The following KIRREL3 variants were observed in gnomAD, a reference collection of about 807,000 sequenced individuals.
The protein encoded by KIRREL3 is kirre like nephrin family adhesion molecule 3.
Under a neutral mutation model 89.7 loss-of-function variants are expected in KIRREL3, and 36 were observed. The ratio of observed to expected loss-of-function variants is 0.40; its 90% CI spans 0.31 to 0.53. KIRREL3 has a LOEUF of 0.53. KIRREL3 is among the 20% of genes least tolerant of loss of function. KIRREL3 has a pLI of 0.49. For synonymous variants in KIRREL3, 445 were observed against 441.4 expected, an observed-to-expected ratio of 1.01 and a Z score of -0.10; for missense variants, 864 against 1,056.6, an observed-to-expected ratio of 0.82 and a Z score of 2.53.
intron 1 of KIRREL3, among the ~76,000 whole-genome samples, chr11:126,672,870 G>T (rs776778589): frequency 6.6e-6 from 1 of 152,158 alleles, no homozygotes; most frequent in African/African-American, 2.4e-5. Flanking sequence ...TCCCTCACTC[G>T]TATTTGCATT....
chr11:126,777,499 G>A lies in KIRREL3; in HGVS notation c.56-214587C>T, dbSNP rs184728988. Reference sequence around the variant, plus strand: ...CTCAAAAAAAACCCCAAAGCATTCCGGGGTTAGTTAAAAGGCCAGAGCAGA... The same window carrying A: ...CTCAAAAAAAACCCCAAAGCATTCCAGGGTTAGTTAAAAGGCCAGAGCAGA... On this transcript the variant is annotated intron_variant, in intron 1 of 16. Transcript: ENST00000525144. Among the ~76,000 whole-genome samples the A allele has an allele frequency of 8.5e-5, 13 of 152,264 alleles. No individual in the cohort carries two copies. The East Asian group carries it at 2.1e-3, about 25-fold the overall frequency.
chr11:126,452,279 CTCT>C (rs1956204801), intron 7 of KIRREL3, among the ~76,000 whole-genome samples: 1 of 152,258 alleles, frequency 6.6e-6, no homozygotes, highest in Non-Finnish European at 1.5e-5. Flanking sequence ...TCGTTTCAAT[CTCT>C]TAACTTTGAT....
intron 1 of KIRREL3, among the ~76,000 whole-genome samples, chr11:126,756,686 G>A (rs1222680085): frequency 1.3e-5 from 2 of 152,354 alleles, no homozygotes; most frequent in East Asian, 3.9e-4. Context: ...AGGGAGACAG[G>A]GGAGAAGTAA....
At chr11:126,598,798 G>T (rs763389926) in intron 1 of KIRREL3, among the ~76,000 whole-genome samples, 1 of 152,098 alleles carries the variant, frequency 6.6e-6, no homozygotes, top group East Asian at 1.9e-4. Context: ...TCTGGGCTTC[G>T]GTTTCCTTAC....
At chr11:126,469,603 G>T (rs1327064200) in intron 5 of KIRREL3, among the ~76,000 whole-genome samples, 2 of 152,216 alleles carry the variant, frequency 1.3e-5, no homozygotes, top group African/African-American at 4.8e-5. Context: ...ACAGCCCCGT[G>T]CCTGGGGAAG....
rs1217803454 is a variant in KIRREL3 at position 126,664,411 on chromosome 11, A to G, written c.56-101499T>C. 1.3e-5 allele frequency among the ~76,000 whole-genome samples: 2 copies of G among 152,168 alleles called. No individual in the cohort carries two copies. The highest frequency in any genetic ancestry group is 1.5e-5 in the Non-Finnish European group (1 of 68,040). Reference sequence around the variant, plus strand: ...TGAAGTCTAGTGAGACCACACGGACATGGACTTTCCAGTGTTGAGAAGCAC... The same window carrying G: ...TGAAGTCTAGTGAGACCACACGGACGTGGACTTTCCAGTGTTGAGAAGCAC... On this transcript the variant is annotated intron_variant, in intron 1 of 16. Transcript: ENST00000525144. This position sits in a 1 kb window ranked among gnomAD's most constrained non-coding sequence, Gnocchi z 5.4.
chr11:126,863,831 C>T (rs888338050), intron 1 of KIRREL3, among the ~76,000 whole-genome samples: 56 of 152,268 alleles, frequency 3.7e-4, no homozygotes, highest in Non-Finnish European at 6.2e-4. Context: ...AGGTGGTATT[C>T]CTCTGCCCTG....
rs1945577208 is a variant in KIRREL3, at chr11:126,883,334, A to T, written c.55+117121T>A. Among the ~76,000 whole-genome samples the T allele has an allele frequency of 6.6e-6, 1 of 152,124 alleles. No individual in the cohort carries two copies. Among genetic ancestry groups the T allele is most frequent in the Admixed American group, 6.5e-5 (1 of 15,280 alleles). ...TCTTCAAGCAGCACAGCAGTTAAAGAACTTTATAGCCTCTTCCCAACAAAT... is the reference window on the plus strand; with the variant it reads ...TCTTCAAGCAGCACAGCAGTTAAAGTACTTTATAGCCTCTTCCCAACAAAT... On this transcript the variant is annotated intron_variant, in intron 1 of 16. Transcript: ENST00000525144. The surrounding 1 kb of genome is among the most constrained non-coding windows in gnomAD (Gnocchi z 4.1).
At chr11:126,801,459 G>GT (rs1185735010) in intron 1 of KIRREL3, among the ~76,000 whole-genome samples, 2 of 152,200 alleles carry the variant, frequency 1.3e-5, no homozygotes, top group African/African-American at 4.8e-5. Context: ...GTATTTCTGT[G>GT]TGGGGTAACC....
chr11:126,852,719 A>G (rs1054503307), intron 1 of KIRREL3, among the ~76,000 whole-genome samples: 1 of 152,178 alleles, frequency 6.6e-6, no homozygotes, highest in African/African-American at 2.4e-5. Flanking sequence ...TGCTTTTATC[A>G]CAGTAATTTT....
chr11:126,838,840 G>A (rs1462642438), intron 1 of KIRREL3, among the ~76,000 whole-genome samples: 4 of 152,176 alleles, frequency 2.6e-5, no homozygotes, highest in African/African-American at 9.7e-5. Context: ...GACTTGTTTG[G>A]CATGATAAAG....
In KIRREL3 at chr11:126,640,863, G is replaced by A. The variant is rs1201726495; in HGVS notation, c.56-77951C>T. ...TCCTCCCCTTGACCTTCATATTGGA[G>A]TCCTTGGATCTCTTCTCAATCTTAT... On this transcript the variant is annotated intron_variant, in intron 1 of 16. Transcript: ENST00000525144. The surrounding 1 kb of genome is among the most constrained non-coding windows in gnomAD (Gnocchi z 4.9). 1.3e-5 allele frequency among the ~76,000 whole-genome samples: 2 copies of A among 152,088 alleles called. No individual in the cohort carries two copies. The highest frequency in any genetic ancestry group is 3.9e-4 in the East Asian group (2 of 5,190).
intron 1 of KIRREL3, among the ~76,000 whole-genome samples, chr11:126,604,361 G>T (rs1942800186): frequency 6.6e-6 from 1 of 152,216 alleles, no homozygotes; most frequent in East Asian, 1.9e-4. Flanking sequence ...TGGCTGCATT[G>T]CATTTTTGTC....
In KIRREL3 at chr11:126,693,602, TG is replaced by T. The variant is rs1343351417; in HGVS notation, c.56-130691del. Among the ~76,000 whole-genome samples, 3 of 106,582 alleles carry T rather than the reference TG, an allele frequency of 2.8e-5. No individual in the cohort carries two copies. In the Admixed American group the frequency reaches 3.2e-4, roughly 11 times the overall value. The allele number at this position is 106,582 out of a possible 152,430, so 69.9% of individuals were successfully genotyped here. A position where few individuals can be genotyped will look rare whatever the true frequency, so the allele number is the denominator to read the frequency against. ...CTGTATGCACATGCATGTGAGTGCC[TG>T]TGACCACACACACACACACACACAC... On this transcript the variant is annotated intron_variant, in intron 1 of 16. Coordinates refer to ENST00000525144, the MANE Select transcript of KIRREL3 (RefSeq NM_032531.4).
At chr11:126,962,764 C>T (rs1949131412) in intron 1 of KIRREL3, among the ~76,000 whole-genome samples, 2 of 152,128 alleles carry the variant, frequency 1.3e-5, no homozygotes, top group South Asian at 4.1e-4. Context: ...ATATGGCCAA[C>T]TTCACTGTGG....
At chr11:126,774,634 G>A (rs1252529260) in intron 1 of KIRREL3, among the ~76,000 whole-genome samples, 2 of 152,148 alleles carry the variant, frequency 1.3e-5, no homozygotes, top group Non-Finnish European at 2.9e-5. Flanking sequence ...ATTTACATGA[G>A]CTGTGCCTTC....
chr11:126,463,567 A>G lies in KIRREL3; in HGVS notation c.592-260T>C, dbSNP rs1312950097. Among the ~76,000 whole-genome samples, 1 of 152,256 alleles carries G rather than the reference A, an allele frequency of 6.6e-6. No individual in the cohort carries two copies. Among genetic ancestry groups the G allele is most frequent in the African/African-American group, 2.4e-5 (1 of 41,476 alleles). ...ACCATGTGAAAATTAGCCTGGATTC[A>G]CATGCTAAAAGCACAAAAGAAAGCA... is the stretch of plus-strand genomic sequence containing the variant. On this transcript the variant is annotated intron_variant, in intron 5 of 16. Transcript: ENST00000525144. The surrounding 1 kb of genome is among the most constrained non-coding windows in gnomAD (Gnocchi z 5.9).
At chr11:126,691,203 G>A (rs1342419485) in intron 1 of KIRREL3, among the ~76,000 whole-genome samples, 1 of 152,160 alleles carries the variant, frequency 6.6e-6, no homozygotes, top group Non-Finnish European at 1.5e-5. Context: ...ATGGGAAGGA[G>A]AAATTGTACA....
At chr11:126,461,370 A>G (rs1374080205) in intron 6 of KIRREL3, among the ~76,000 whole-genome samples, 2 of 152,230 alleles carry the variant, frequency 1.3e-5, no homozygotes, top group Non-Finnish European at 2.9e-5. Flanking sequence ...GCCTGGCCTC[A>G]CTTTCAGGGC....
Sources: gnomAD v4.1 joint callset for allele counts (sites outside exome capture counted in the v4.1 genomes callset) on GRCh38, gnomAD v4.1.1 for gene constraint, Gnocchi (gnomAD v3.1) non-coding constraint, MANE v1.5 for transcripts, NCBI Gene and HGNC (gene_info 2026-07-23, HGNC 2026-07-21) for gene names.